WDR64: variants seen among roughly 807,000 people sequenced by gnomAD.
The protein encoded by WDR64 is WD repeat domain 64.
A neutral mutation model predicts 139.3 loss-of-function variants in WDR64; 112 were observed. That is an observed-to-expected ratio of 0.80 (90% confidence interval 0.69 to 0.94). WDR64 has a LOEUF of 0.94. WDR64 is among the 40% of genes least tolerant of loss of function. WDR64 has a pLI of 0.00. For synonymous variants in WDR64, 444 were observed against 437.7 expected, an observed-to-expected ratio of 1.01 and a Z score of -0.18; for missense variants, 1,206 against 1,293.1, an observed-to-expected ratio of 0.93 and a Z score of 1.03.
At chr1:241,758,563 G>C (rs12354327) in intron 15 of WDR64, among the ~76,000 whole-genome samples, 1 of 152,038 alleles carries the variant, frequency 6.6e-6, no homozygotes, top group East Asian at 1.9e-4. Context: ...TTCCAAAGGT[G>C]GTCTGTGAAT....
intron 27 of WDR64, among the ~76,000 whole-genome samples, chr1:241,800,745 T>C (rs774473720): frequency 6.6e-6 from 1 of 152,242 alleles, no homozygotes; most frequent in Non-Finnish European, 1.5e-5. Flanking sequence ...CCGACTCTGA[T>C]GTTATTAATC....
In WDR64 at chr1:241,699,409, C is replaced by G. The variant is rs545069081; in HGVS notation, c.974+11814C>G. Among the ~76,000 whole-genome samples the G allele has an allele frequency of 2.0e-5, 3 of 152,274 alleles. No individual in the cohort carries two copies. In the South Asian group the frequency reaches 6.2e-4, roughly 32 times the overall value. On this transcript the variant is annotated intron_variant, in intron 8 of 27. Coordinates refer to ENST00000437684, the MANE Select transcript of WDR64 (RefSeq NM_001367482.1). Reference sequence around the variant, plus strand: ...TTGATGAATTACTAAATTTAAGACACTGTACTAGGTGCTAGGAATTTAAAG... The same window carrying G: ...TTGATGAATTACTAAATTTAAGACAGTGTACTAGGTGCTAGGAATTTAAAG...
chr1:241,663,598 C>A (rs6670112), intron 2 of WDR64, among the ~76,000 whole-genome samples: 63 of 152,328 alleles, frequency 4.1e-4, no homozygotes, highest in African/African-American at 1.4e-3. Flanking sequence ...TTGTTATGGA[C>A]CCCTGGTAGA....
chr1:241,723,565 A>C (rs1005514992), intron 10 of WDR64, 129 bp downstream of exon 10: 3 of 1,042,084 alleles, frequency 2.9e-6, no homozygotes, highest in Admixed American at 3.0e-5. Context: ...AAATATTGTC[A>C]GTATGGAAAA....
intron 15 of WDR64, among the ~76,000 whole-genome samples, chr1:241,760,240 T>C (rs562501322): frequency 6.6e-6 from 1 of 152,140 alleles, no homozygotes; most frequent in Non-Finnish European, 1.5e-5. Flanking sequence ...TGAATAGATG[T>C]ACCATTGTTT....
At chr1:241,770,825 T>C in intron 18 of WDR64, 135 bp downstream of exon 18, 1 of 623,738 alleles carries the variant, frequency 1.6e-6, no homozygotes, top group Non-Finnish European at 2.4e-6. Context: ...CATGCTTATA[T>C]GTAAAAACGC....
At chr1:241,678,585 TATTTTA>T (rs1269305403) in intron 5 of WDR64, among the ~76,000 whole-genome samples, 2 of 152,230 alleles carry the variant, frequency 1.3e-5, no homozygotes, top group Non-Finnish European at 2.9e-5. Context: ...AAAATATTTT[TATTTTA>T]AAGTTGAAAA....
At chr1:241,795,419 T>A in intron 26 of WDR64, 132 bp downstream of exon 26, 1 of 735,610 alleles carries the variant, frequency 1.4e-6, no homozygotes, top group Middle Eastern at 2.5e-4. Flanking sequence ...TCCAAAAACG[T>A]ATCATGTGCA....
intron 21 of WDR64, among the ~76,000 whole-genome samples, chr1:241,776,020 TA>T (rs1258092779): frequency 6.6e-6 from 1 of 150,812 alleles, no homozygotes; most frequent in Non-Finnish European, 1.5e-5. Flanking sequence ...TTTTCATACT[TA>T]AGTTTTCATA....
chr1:241,773,829 T>C (rs1185293458), intron 20 of WDR64, among the ~76,000 whole-genome samples: 3 of 152,332 alleles, frequency 2.0e-5, no homozygotes, highest in Admixed American at 6.5e-5. Context: ...TAAATTGAGC[T>C]ACAAATATAT....
chr1:241,754,296 GT>G (rs1056153857), intron 14 of WDR64, among the ~76,000 whole-genome samples: 3 of 146,312 alleles, frequency 2.1e-5, no homozygotes, highest in African/African-American at 5.0e-5. Context: ...AACGTGCAGG[GT>G]TTTTTTTCCT....
At chr1:241,709,095 T>C (rs1373250829) in intron 8 of WDR64, among the ~76,000 whole-genome samples, 3 of 152,210 alleles carry the variant, frequency 2.0e-5, no homozygotes, top group Non-Finnish European at 4.4e-5. Context: ...GATCTCTCCT[T>C]TGTGATGCTC....
intron 15 of WDR64, among the ~76,000 whole-genome samples, chr1:241,765,233 A>G (rs917719883): frequency 2.0e-5 from 3 of 152,056 alleles, no homozygotes; most frequent in African/African-American, 7.2e-5. Context: ...AAAGGAGGTG[A>G]TAAGTTACAT....
At position 241,714,898 on chromosome 1, in the gene WDR64, C is replaced by A. The variant is rs369892921; in HGVS notation, c.1054+3017C>A. On this transcript the variant is annotated intron_variant, in intron 9 of 27. Coordinates refer to ENST00000437684, the MANE Select transcript of WDR64 (RefSeq NM_001367482.1). ...GGACTAAATACATTTCAAGATCCCT[C>A]TGAGCCTAAAATACTGTGATTCTAT... Among the ~76,000 whole-genome samples, 4 of 152,308 alleles carry A rather than the reference C, an allele frequency of 2.6e-5. No individual in the cohort carries two copies. The South Asian group carries it at 6.2e-4, about 24-fold the overall frequency.
intron 8 of WDR64, among the ~76,000 whole-genome samples, chr1:241,705,302 G>C (rs1467469138): frequency 2.0e-4 from 30 of 152,144 alleles, no homozygotes; most frequent in Non-Finnish European, 3.5e-4. Context: ...AGCACTTTGG[G>C]AGGCCAAGGA....
intron 9 of WDR64, among the ~76,000 whole-genome samples, chr1:241,721,844 T>A (rs1668623023): frequency 6.6e-6 from 1 of 152,110 alleles, no homozygotes; most frequent in Non-Finnish European, 1.5e-5. Context: ...CTGTAAAAAA[T>A]AACTCCCAAA....
chr1:241,727,041 C>T (rs564980378), intron 10 of WDR64, among the ~76,000 whole-genome samples: 25 of 152,234 alleles, frequency 1.6e-4, no homozygotes, highest in Middle Eastern at 3.4e-3. Flanking sequence ...CTCCTGCCAC[C>T]ATGCCCAGCT....
chr1:241,717,751 CT>C (rs1284686303), intron 9 of WDR64, among the ~76,000 whole-genome samples: 1 of 152,132 alleles, frequency 6.6e-6, no homozygotes, highest in Non-Finnish European at 1.5e-5. Context: ...TGTTTACCCT[CT>C]ATATCTCCTT....
intron 2 of WDR64, among the ~76,000 whole-genome samples, chr1:241,665,763 A>G (rs1666003588): frequency 6.6e-6 from 1 of 152,186 alleles, no homozygotes; most frequent in African/African-American, 2.4e-5. Context: ...TTACAATGTC[A>G]TGTTAGTCTG....
Sources: gnomAD v4.1 joint callset for allele counts (sites outside exome capture counted in the v4.1 genomes callset) on GRCh38, gnomAD v4.1.1 for gene constraint, MANE v1.5 for transcripts, NCBI Gene and HGNC (gene_info 2026-07-23, HGNC 2026-07-21) for gene names.